Variants in PTPRD observed in about 807,000 individuals in gnomAD.
PTPRD encodes the protein receptor-type tyrosine-protein phosphatase delta.
In PTPRD, 34 loss-of-function variants were observed where a neutral mutation model predicts 214.5. The observed-to-expected ratio is 0.16, with a 90% CI of 0.12 to 0.21. The LOEUF is 0.21. Ranked by LOEUF, PTPRD falls within the 10% of genes least tolerant of loss-of-function variation. PTPRD has a pLI of 1.00. For synonymous variants in PTPRD, 1,128 were observed against 845.7 expected, an observed-to-expected ratio of 1.33 and a Z score of -5.79; for missense variants, 2,545 against 2,398.7, an observed-to-expected ratio of 1.06 and a Z score of -1.27.
rs185705121 is a variant in PTPRD, at chr9:10,586,545, A to G, written c.-600+25853T>C. Among the ~76,000 whole-genome samples, 30 of 152,240 alleles carry G rather than the reference A, an allele frequency of 2.0e-4. No homozygotes were observed. The East Asian group carries it at 5.6e-3, about 28-fold the overall frequency. On this transcript the variant is annotated intron_variant, in intron 2 of 45. Coordinates refer to ENST00000381196, the MANE Select transcript of PTPRD (RefSeq NM_002839.4). ...GAGACTAAATCTACCGCAGTTAGTC[A>G]TGAGGGAAATAAATGACAACGATAG...
chr9:9,464,577 C>T (rs754473371), intron 8 of PTPRD, among the ~76,000 whole-genome samples: 2 of 152,020 alleles, frequency 1.3e-5, no homozygotes, highest in Non-Finnish European at 2.9e-5. Flanking sequence ...TGTTTTATTG[C>T]TTGAATTTAT....
At chr9:9,489,075 A>G (rs1569568747) in intron 8 of PTPRD, among the ~76,000 whole-genome samples, 1 of 152,120 alleles carries the variant, frequency 6.6e-6, no homozygotes, top group Non-Finnish European at 1.5e-5. Flanking sequence ...TTTTTACTCC[A>G]TTTTTCTCTT....
At chr9:9,792,004 A>G (rs2098970963) in intron 5 of PTPRD, among the ~76,000 whole-genome samples, 1 of 152,164 alleles carries the variant, frequency 6.6e-6, no homozygotes, top group African/African-American at 2.4e-5. Context: ...CTGAAGTCCT[A>G]AAGCAAATAA....
At chr9:8,350,787 GA>G (rs942577729) in intron 39 of PTPRD, among the ~76,000 whole-genome samples, 15 of 151,880 alleles carry the variant, frequency 9.9e-5, no homozygotes, top group African/African-American at 2.4e-4. Context: ...AAATTAAAAT[GA>G]AAAAAAATTG....
intron 5 of PTPRD, among the ~76,000 whole-genome samples, chr9:9,928,111 A>T (rs2084991554): frequency 6.6e-6 from 1 of 152,176 alleles, no homozygotes; most frequent in Admixed American, 6.5e-5. Context: ...GTGCTCCAGA[A>T]AATATAATGT....
intron 7 of PTPRD, among the ~76,000 whole-genome samples, chr9:9,657,905 C>T (rs1381852914): frequency 6.6e-6 from 1 of 152,160 alleles, no homozygotes; most frequent in Non-Finnish European, 1.5e-5. Context: ...TCCCCCCGAC[C>T]TAAAGAGAGG....
chr9:9,534,875 C>T (rs986340153), intron 8 of PTPRD, among the ~76,000 whole-genome samples: 4 of 151,986 alleles, frequency 2.6e-5, no homozygotes, highest in Non-Finnish European at 5.9e-5. Flanking sequence ...TTACTCACAG[C>T]TGCTAAAGAC....
intron 3 of PTPRD, among the ~76,000 whole-genome samples, chr9:10,296,655 T>C (rs146931615): frequency 1.6e-4 from 25 of 152,134 alleles, no homozygotes; most frequent in Middle Eastern, 6.8e-3. Flanking sequence ...AAGACCTAGA[T>C]TGAACCATCA....
chr9:9,507,807 T>C (rs968814764), intron 8 of PTPRD, among the ~76,000 whole-genome samples: 1 of 151,466 alleles, frequency 6.6e-6, no homozygotes, highest in Admixed American at 6.6e-5. Context: ...ATTTAAGATA[T>C]AGACTCATTG....
chr9:10,218,485 G>T (rs1004686801), intron 3 of PTPRD, among the ~76,000 whole-genome samples: 2 of 151,826 alleles, frequency 1.3e-5, no homozygotes. Context: ...ATTTTAATTA[G>T]GCAGTGAATT....
At chr9:9,237,503 C>T (rs754038845) in intron 9 of PTPRD, among the ~76,000 whole-genome samples, 3 of 152,106 alleles carry the variant, frequency 2.0e-5, no homozygotes, top group South Asian at 2.1e-4. Flanking sequence ...GACATGTGCC[C>T]TGAACTTAAA....
chr9:10,347,396 C>G (rs182299432), intron 2 of PTPRD, among the ~76,000 whole-genome samples: 125 of 147,494 alleles, frequency 8.5e-4, no homozygotes, highest in African/African-American at 3.0e-3. Flanking sequence ...TGTCCATCAT[C>G]TTAGCTATTT....
chr9:8,601,296 T>G (rs2094844829), intron 14 of PTPRD, among the ~76,000 whole-genome samples: 1 of 152,188 alleles, frequency 6.6e-6, no homozygotes, highest in Non-Finnish European at 1.5e-5. Flanking sequence ...CATCTCTGAA[T>G]CTGCCACAAG....
At chr9:9,427,096 G>A (rs1450913352) in intron 8 of PTPRD, among the ~76,000 whole-genome samples, 3 of 151,748 alleles carry the variant, frequency 2.0e-5, no homozygotes, top group South Asian at 2.1e-4. Flanking sequence ...TCAGACGATC[G>A]GTAATAACAA....
At chr9:9,468,810 T>A (rs951054811) in intron 8 of PTPRD, among the ~76,000 whole-genome samples, 2 of 152,158 alleles carry the variant, frequency 1.3e-5, no homozygotes, top group African/African-American at 4.8e-5. Flanking sequence ...GAGAAAGTCA[T>A]TTACGTAATG....
intron 11 of PTPRD, among the ~76,000 whole-genome samples, chr9:8,839,574 C>T (rs988220206): frequency 1.3e-5 from 2 of 152,190 alleles, no homozygotes; most frequent in African/African-American, 4.8e-5. Context: ...ATCCACCCAC[C>T]TTGGCCTCCC....
chr9:8,499,817 C>A lies in PTPRD; in HGVS notation c.2152G>T (p.Val718Phe). 1 of 1,612,434 alleles carries A rather than the reference C, an allele frequency of 6.2e-7. No homozygotes were observed. Among genetic ancestry groups the A allele is most frequent in the South Asian group, 1.1e-5 (1 of 90,676 alleles). ...GTTGAGTTGACAGCCTCTACCTCGA[C>A]TTTGCGAGGAGGACCACTAGGAACT... is the stretch of plus-strand genomic sequence containing the variant. ...EDVPSGPPRK[V>F]EVEAVNSTSV... Residue 718 changes from valine to phenylalanine, a missense_variant, in exon 25 of 46, where the codon GTC becomes TTC. Coordinates refer to ENST00000381196, the MANE Select transcript of PTPRD (RefSeq NM_002839.4).
At chr9:9,538,478 C>T (rs1466826141) in intron 8 of PTPRD, among the ~76,000 whole-genome samples, 3 of 151,882 alleles carry the variant, frequency 2.0e-5, no homozygotes, top group African/African-American at 7.2e-5. Flanking sequence ...ATTGGCTCTA[C>T]ATCAAATCTC....
At chr9:9,606,307 G>A (rs2154341255) in intron 7 of PTPRD, among the ~76,000 whole-genome samples, 1 of 152,128 alleles carries the variant, frequency 6.6e-6, no homozygotes, top group South Asian at 2.1e-4. Context: ...TAAAATCAAA[G>A]CATATTATCA....
Sources: allele counts gnomAD v4.1 joint callset (sites outside exome capture counted in the v4.1 genomes callset), GRCh38; gene constraint gnomAD v4.1.1; transcripts MANE v1.5; gene names NCBI Gene and HGNC (gene_info 2026-07-23, HGNC 2026-07-21).